The following NEK5 variants were observed in gnomAD, a reference collection of about 807,000 sequenced individuals.
The protein encoded by NEK5 is NIMA related kinase 5, also known as serine/threonine-protein kinase Nek5.
A neutral mutation model predicts 109.2 loss-of-function variants in NEK5; 88 were observed. The ratio of observed to expected loss-of-function variants is 0.81; its 90% confidence interval spans 0.68 to 0.96. The LOEUF (loss-of-function observed/expected upper bound fraction) is 0.96, where lower values mean the gene tolerates loss of function less well. Ranked by LOEUF, NEK5 falls within the 40% of genes least tolerant of loss-of-function variation. NEK5 has a pLI of 0.00. For missense variants in NEK5, 834 were observed against 920.7 expected (o/e 0.91, Z 1.22); for synonymous variants, 283 against 299.9 (o/e 0.94, Z 0.58).
chr13:52,049,265 A>C (rs1347216368), intron 23 of NEK5, among the ~76,000 whole-genome samples: 10 of 152,096 alleles, frequency 6.6e-5, no homozygotes, highest in Admixed American at 6.5e-4. Context: ...TCTACAAAAA[A>C]TAAAAAAGAT....
chr13:52,105,559 C>G (rs1955637403), intron 8 of NEK5, among the ~76,000 whole-genome samples: 1 of 151,924 alleles, frequency 6.6e-6, no homozygotes, highest in Non-Finnish European at 1.5e-5. Flanking sequence ...TCTAGAAACT[C>G]ACTGACCATT....
intron 22 of NEK5, among the ~76,000 whole-genome samples, chr13:52,057,546 T>G (rs1242537985): frequency 6.6e-6 from 1 of 152,048 alleles, no homozygotes; most frequent in Non-Finnish European, 1.5e-5. Context: ...GCAAAAATCC[T>G]CAATAAAATA....
At chr13:52,122,708 A>G (rs969440947) in intron 3 of NEK5, among the ~76,000 whole-genome samples, 6 of 152,162 alleles carry the variant, frequency 3.9e-5, no homozygotes, top group Non-Finnish European at 7.3e-5. Flanking sequence ...CAGAGATTGC[A>G]GTGAGCAGAG....
chr13:52,091,189 G>A (rs1010196523), intron 13 of NEK5, among the ~76,000 whole-genome samples: 1 of 152,194 alleles, frequency 6.6e-6, no homozygotes, highest in Admixed American at 6.5e-5. Context: ...GTGAGAGCTT[G>A]GGAGATATAA....
chr13:52,040,034 G>T (rs1467377695), intron 23 of NEK5, among the ~76,000 whole-genome samples: 3 of 150,220 alleles, frequency 2.0e-5, no homozygotes, highest in South Asian at 2.1e-4. Context: ...CAGGTGCTGT[G>T]TATGGAGCCA....
intron 1 of NEK5, 48 bp from the exon 2 acceptor site, chr13:52,127,710 T>C: frequency 2.2e-6 from 1 of 449,110 alleles, no homozygotes; most frequent in Non-Finnish European, 3.9e-6. Flanking sequence ...ATAGCTCAGC[T>C]TTGATACACT....
intron 4 of NEK5, among the ~76,000 whole-genome samples, chr13:52,113,848 A>G (rs1955801966): frequency 6.6e-6 from 1 of 152,188 alleles, no homozygotes; most frequent in African/African-American, 2.4e-5. Flanking sequence ...TTGCTGTCCA[A>G]GAGAGAACCC....
chr13:52,065,425 TGGGCTGTAC>T, intron 21 of NEK5, 50 bp downstream of exon 21: 1 of 1,612,554 alleles, frequency 6.2e-7, no homozygotes, highest in Admixed American at 1.7e-5. Flanking sequence ...GGATGAGCAC[TGGGCTGTAC>T]GGGTCCTTGG....
At chr13:52,040,102 T>TGA (rs1244293572) in intron 23 of NEK5, among the ~76,000 whole-genome samples, 1 of 99,640 alleles carries the variant, frequency 1.0e-5, no homozygotes, top group Non-Finnish European at 2.3e-5. Context: ...TTTTTTTTTT[T>TGA]GAGAGAAATC....
At chr13:52,051,569 G>C (rs1198187637) in intron 22 of NEK5, among the ~76,000 whole-genome samples, 1 of 152,170 alleles carries the variant, frequency 6.6e-6, no homozygotes, top group Non-Finnish European at 1.5e-5. Context: ...ACATTGTACT[G>C]TGAGAGAGAA....
At chr13:52,101,713 C>T (rs1349289262) in intron 11 of NEK5, among the ~76,000 whole-genome samples, 4 of 152,172 alleles carry the variant, frequency 2.6e-5, no homozygotes, top group Non-Finnish European at 5.9e-5. Flanking sequence ...GGTTTCCTGA[C>T]TAACGAGAAG....
intron 5 of NEK5, among the ~76,000 whole-genome samples, chr13:52,111,320 C>T (rs1297892332): frequency 6.6e-6 from 1 of 151,858 alleles, no homozygotes; most frequent in Non-Finnish European, 1.5e-5. Flanking sequence ...TCATTCCCAA[C>T]AAAAAGAAAT....
chr13:52,061,823 T>C lies in NEK5; in HGVS notation c.2106A>G (p.Glu702=). The change falls in exon 22 of 24, where the codon GAA becomes GAG. Residue 702 remains glutamate (E), a synonymous_variant. Coordinates refer to ENST00000684899, the MANE Select transcript of NEK5 (RefSeq NM_001365552.1). The part of the protein sequence containing the change: ...LTSSSFSADE[E]FAMGTLKQWL... ...TGTTAAAAATAAACTACATACCAAA[T>C]TCTTCATCGGCAGAAAATGAGCTAC... 1.0e-6 allele frequency: 1 copy of C among 985,588 alleles called. No individual in the cohort carries two copies. The highest frequency in any genetic ancestry group is 1.2e-6 in the Non-Finnish European group (1 of 829,688). The allele number at this position is 985,588 out of a possible 1,614,324, so 61.1% of individuals were successfully genotyped here.
intron 22 of NEK5, among the ~76,000 whole-genome samples, chr13:52,050,924 T>C (rs1453878671): frequency 6.6e-6 from 1 of 151,824 alleles, no homozygotes; most frequent in Non-Finnish European, 1.5e-5. Context: ...TTCACCATGT[T>C]GGTCAGGCTG....
In NEK5 at chr13:52,107,621, C is replaced by G. The variant is rs190901736; in HGVS notation, c.554+697G>C. Reference sequence around the variant, plus strand: ...AAATAAAAAAAAAAAAGCCAGTGCCCTTATACAAAGGCTGTAATGTAACAA... The same window carrying G: ...AAATAAAAAAAAAAAAGCCAGTGCCGTTATACAAAGGCTGTAATGTAACAA... On this transcript the variant is annotated intron_variant, in intron 8 of 23. Transcript: ENST00000684899. Among the ~76,000 whole-genome samples, 10 of 152,002 alleles carry G rather than the reference C, an allele frequency of 6.6e-5. No homozygotes were observed. The East Asian group carries it at 1.9e-3, about 29-fold the overall frequency.
intron 20 of NEK5, among the ~76,000 whole-genome samples, chr13:52,065,879 T>C (rs749114332): frequency 6.6e-5 from 10 of 152,246 alleles, no homozygotes; most frequent in Non-Finnish European, 1.5e-4. Flanking sequence ...GAGGCATCTA[T>C]GAGAACTTTC....
At chr13:52,125,685 C>T (rs1956052642) in intron 3 of NEK5, among the ~76,000 whole-genome samples, 1 of 152,122 alleles carries the variant, frequency 6.6e-6, no homozygotes. Flanking sequence ...TTGGTAAACA[C>T]TGAAGTGGGG....
intron 11 of NEK5, among the ~76,000 whole-genome samples, chr13:52,100,355 G>A (rs372342672): frequency 2.6e-5 from 4 of 152,072 alleles, no homozygotes; most frequent in African/African-American, 7.2e-5. Flanking sequence ...TTCACCTCCC[G>A]AGTTCATGCG....
At position 52,099,748 on chromosome 13, in the gene NEK5, T is replaced by C; in HGVS notation, c.1021A>G (p.Arg341Gly). ...WRPPAGAQKA[R>G]SIKMIERPKI... Reference sequence around the variant, plus strand: ...GAGGGTTTAGAATGACTTACAGATCTGGCCTTCTGGGCTCCAGCTGGTGGT... The same window carrying C: ...GAGGGTTTAGAATGACTTACAGATCCGGCCTTCTGGGCTCCAGCTGGTGGT... The change falls in exon 12 of 24, where the codon AGA becomes GGA. Residue 341 changes from arginine (R) to glycine (G), a missense_variant. Around this residue, in one of 2 missense-constraint regions of NEK5, gnomAD observed 777 missense variants for 824.7 expected, o/e 0.94. Transcript: ENST00000684899. 6.2e-7 allele frequency: 1 copy of C among 1,613,452 alleles called. No homozygotes were observed. The highest frequency in any genetic ancestry group is 2.2e-5 in the East Asian group (1 of 44,880).
Sources: allele counts gnomAD v4.1 joint callset (sites outside exome capture counted in the v4.1 genomes callset), GRCh38; gene constraint gnomAD v4.1.1; regional missense constraint gnomAD v4.1.1; transcripts MANE v1.5; gene names NCBI Gene and HGNC (gene_info 2026-07-23, HGNC 2026-07-21).